Variants in TNS3 observed in about 807,000 individuals in gnomAD.
The protein encoded by TNS3 is tensin 3, also known as tensin-3.
TNS3 carries 45 observed loss-of-function variants against 140.9 expected under a neutral mutation model. The observed-to-expected ratio is 0.32, with a 90% CI of 0.25 to 0.41. The LOEUF (loss-of-function observed/expected upper bound fraction) is 0.41, where lower values mean the gene tolerates loss of function less well. Ranked by LOEUF, TNS3 falls within the 10% of genes least tolerant of loss-of-function variation. TNS3 has a pLI of 1.00. For missense variants in TNS3, 1,716 were observed against 1,906.7 expected (o/e 0.90, Z 1.86); for synonymous variants, 815 against 788.4 (o/e 1.03, Z -0.56).
intron 4 of TNS3, among the ~76,000 whole-genome samples, chr7:47,451,824 C>A (rs984623084): frequency 3.3e-5 from 5 of 152,224 alleles, no homozygotes; most frequent in South Asian, 4.1e-4. Context: ...ATTCAGCTGG[C>A]AAATTTCAAG....
At chr7:47,297,793 T>C (rs930461013) in intron 23 of TNS3, among the ~76,000 whole-genome samples, 1 of 150,508 alleles carries the variant, frequency 6.6e-6, no homozygotes, top group African/African-American at 2.4e-5. Context: ...AAGTTTTTTT[T>C]TTTTTTTTTT....
intron 1 of TNS3, among the ~76,000 whole-genome samples, chr7:47,563,794 C>T (rs1275215822): frequency 6.6e-6 from 1 of 152,214 alleles, no homozygotes; most frequent in South Asian, 2.1e-4. Context: ...ATCCCAATTC[C>T]TTGCAGTGGT....
At chr7:47,446,428 T>C (rs1795734717) in intron 4 of TNS3, among the ~76,000 whole-genome samples, 1 of 152,172 alleles carries the variant, frequency 6.6e-6, no homozygotes, top group Non-Finnish European at 1.5e-5. Context: ...CCTTAGTGAT[T>C]AGAGTTTCCA....
At chr7:47,325,324 C>A (rs1353897776) in intron 20 of TNS3, among the ~76,000 whole-genome samples, 1 of 152,188 alleles carries the variant, frequency 6.6e-6, no homozygotes, top group East Asian at 1.9e-4. Flanking sequence ...TTCCACTCCA[C>A]GTTTGTAAAA....
Position 47,368,561 on chromosome 7 carries a change from G to A in TNS3, c.2085C>T (p.Ile695=), listed in dbSNP as rs368253211. 71 of 1,571,088 alleles carry A rather than the reference G, an allele frequency of 4.5e-5. No homozygotes were observed. Among genetic ancestry groups the A allele is most frequent in the Admixed American group, 1.1e-4 (6 of 56,424 alleles). ...TGTTGAGCTGCTCGATGGACTGGTC[G>A]ATGTCCAGGGTGGGCGAGCCTGGGG... ...GPSPGSPTLD[I]DQSIEQLNRL... Residue 695 remains isoleucine, a synonymous_variant, in exon 17 of 31, where the codon ATC becomes ATT. Transcript: ENST00000311160.
intron 3 of TNS3, among the ~76,000 whole-genome samples, chr7:47,498,944 C>T (rs1266361823): frequency 6.6e-6 from 1 of 152,238 alleles, no homozygotes; most frequent in Non-Finnish European, 1.5e-5. Flanking sequence ...CAGCTGGTGT[C>T]GCCCAGCTGA....
intron 20 of TNS3, among the ~76,000 whole-genome samples, chr7:47,307,365 T>A (rs905668982): frequency 6.6e-6 from 1 of 152,242 alleles, no homozygotes; most frequent in African/African-American, 2.4e-5. Flanking sequence ...TTTTCCATTG[T>A]ATGGACATAT....
chr7:47,319,378 C>T (rs894795072), intron 20 of TNS3, among the ~76,000 whole-genome samples: 4 of 149,428 alleles, frequency 2.7e-5, no homozygotes, highest in Admixed American at 6.7e-5. Flanking sequence ...GAGAGGAAGG[C>T]GAGAGAGAGA....
intron 27 of TNS3, among the ~76,000 whole-genome samples, chr7:47,289,081 A>T (rs1466837177): frequency 6.6e-6 from 1 of 152,228 alleles, no homozygotes; most frequent in East Asian, 1.9e-4. Flanking sequence ...ATTCCATTCA[A>T]AACAGAGTAA....
intron 13 of TNS3, 76 bp downstream of exon 13, chr7:47,411,651 C>T: frequency 6.8e-7 from 1 of 1,463,042 alleles, no homozygotes; most frequent in Non-Finnish European, 9.3e-7. Flanking sequence ...TGTTTTAACA[C>T]AGAATCATGA....
chr7:47,458,501 T>C (rs1379906460), intron 4 of TNS3, among the ~76,000 whole-genome samples: 1 of 152,242 alleles, frequency 6.6e-6, no homozygotes, highest in Non-Finnish European at 1.5e-5. Flanking sequence ...AGATGTCCTG[T>C]ACAAATTGGA....
At chr7:47,478,409 AAT>A (rs1239448341) in intron 4 of TNS3, among the ~76,000 whole-genome samples, 6 of 50,956 alleles carry the variant, frequency 1.2e-4, no homozygotes, top group Admixed American at 2.9e-4. Context: ...ATCTCAGGGA[AAT>A]ACACACACAC....
At chr7:47,536,164 C>A (rs1433858982) in intron 1 of TNS3, among the ~76,000 whole-genome samples, 1 of 152,218 alleles carries the variant, frequency 6.6e-6, no homozygotes, top group East Asian at 1.9e-4. Flanking sequence ...AGCGTTTGAC[C>A]ACTAAACTTT....
chr7:47,533,872 C>T (rs1314883151), intron 1 of TNS3, among the ~76,000 whole-genome samples: 1 of 152,162 alleles, frequency 6.6e-6, no homozygotes, highest in African/African-American at 2.4e-5. Context: ...GAGGCCTCCC[C>T]AGCACGTGGA....
chr7:47,491,840 A>G (rs1204602819), intron 3 of TNS3, among the ~76,000 whole-genome samples: 1 of 152,124 alleles, frequency 6.6e-6, no homozygotes, highest in Admixed American at 6.5e-5. Flanking sequence ...TGTCCTACAG[A>G]GATGGCCCCG....
At chr7:47,523,161 T>C (rs1799052721) in intron 2 of TNS3, among the ~76,000 whole-genome samples, 1 of 152,132 alleles carries the variant, frequency 6.6e-6, no homozygotes, top group Non-Finnish European at 1.5e-5. Context: ...GCCTCCTTAC[T>C]GCATCCTCAC....
Position 47,407,952 on chromosome 7 carries a change from C to T in TNS3, c.723+3775G>A, listed in dbSNP as rs1466411143. Among the ~76,000 whole-genome samples, 2 of 152,114 alleles carry T rather than the reference C, an allele frequency of 1.3e-5. No homozygotes were observed. The highest frequency in any genetic ancestry group is 1.5e-5 in the Non-Finnish European group (1 of 68,024). ...GAAGCCTGAGTTGAGAGGTCAGGGCCAGGGTGGGTGGACAGTGCTAGATCA... is the reference window on the plus strand; with the variant it reads ...GAAGCCTGAGTTGAGAGGTCAGGGCTAGGGTGGGTGGACAGTGCTAGATCA... On this transcript the variant is annotated intron_variant, in intron 13 of 30. Transcript: ENST00000311160. This position sits in a 1 kb window ranked among gnomAD's most constrained non-coding sequence, Gnocchi z 4.1.
At chr7:47,530,838 A>AAAAATATATATAT in intron 1 of TNS3, among the ~76,000 whole-genome samples, 24 of 54,532 alleles carry the variant, frequency 4.4e-4, no homozygotes, top group South Asian at 8.9e-4. Context: ...AAAAAAAAAA[A>AAAAATATATATAT]ATATATATAT....
chr7:47,407,182 C>T lies in TNS3; in HGVS notation c.723+4545G>A, dbSNP rs765348587. Among the ~76,000 whole-genome samples, 13 of 152,144 alleles carry T rather than the reference C, an allele frequency of 8.5e-5. No individual in the cohort carries two copies. The highest frequency in any genetic ancestry group is 1.8e-4 in the Non-Finnish European group (12 of 68,034). On this transcript the variant is annotated intron_variant, in intron 13 of 30. Coordinates refer to ENST00000311160, the MANE Select transcript of TNS3 (RefSeq NM_022748.12). The surrounding 1 kb of genome is among the most constrained non-coding windows in gnomAD (Gnocchi z 4.1). ...TGGGCTTTGGCAAAAGATGCACTCCCGACTCTGATGGGAGTGCTGGCAGTG... is the reference window on the plus strand; with the variant it reads ...TGGGCTTTGGCAAAAGATGCACTCCTGACTCTGATGGGAGTGCTGGCAGTG...
Sources: allele counts gnomAD v4.1 joint callset (sites outside exome capture counted in the v4.1 genomes callset), GRCh38; gene constraint gnomAD v4.1.1; non-coding constraint Gnocchi (gnomAD v3.1); transcripts MANE v1.5; gene names NCBI Gene and HGNC (gene_info 2026-07-23, HGNC 2026-07-21).